The following BCL2L11 variants were observed in gnomAD, a reference collection of about 807,000 sequenced individuals.
The protein encoded by BCL2L11 is bcl-2-like protein 11.
A neutral mutation model predicts 20.6 loss-of-function variants in BCL2L11; 15 were observed. That is an observed-to-expected ratio of 0.73 (90% CI 0.49 to 1.12). BCL2L11 has a LOEUF of 1.12. BCL2L11 is among the 50% of genes most tolerant of loss of function. BCL2L11 has a pLI of 0.00. For missense variants in BCL2L11, 292 were observed against 260.9 expected, an observed-to-expected ratio of 1.12 and a Z score of -0.82; for synonymous variants, 108 against 92.8, an observed-to-expected ratio of 1.16 and a Z score of -0.94.
Position 111,123,169 on chromosome 2 carries a change from C to T in BCL2L11, c.-13-564C>T, listed in dbSNP as rs533180570. ...AGGGAGGGAGCACGGGCGGAGAGAG[C>T]GCCAGAGCCGGGCCGAGCCGCGCTG... On this transcript the variant is annotated intron_variant, in intron 1 of 3. Coordinates refer to ENST00000393256, the MANE Select transcript of BCL2L11 (RefSeq NM_138621.5). 4.1e-6 allele frequency: 4 copies of T among 985,462 alleles called. No individual in the cohort carries two copies. The South Asian group carries it at 1.4e-4, about 35-fold the overall frequency. The allele number at this position is 985,462 out of a possible 1,614,324, so 61.0% of individuals were successfully genotyped here. A position where few individuals can be genotyped will look rare whatever the true frequency, so the allele number is the denominator to read the frequency against.
At chr2:111,151,794 T>G (rs1559074136) in intron 3 of BCL2L11, 2 of 1,509,466 alleles carry the variant, frequency 1.3e-6, no homozygotes, top group South Asian at 1.2e-5. Context: ...TTGATGGACT[T>G]AAGAATTTCT....
chr2:111,157,128 A>C (rs1481498795), intron 3 of BCL2L11, among the ~76,000 whole-genome samples: 5 of 152,194 alleles, frequency 3.3e-5, no homozygotes, highest in Admixed American at 6.5e-5. Flanking sequence ...GTGAGTGCTC[A>C]TCTGTTTGGC....
intron 2 of BCL2L11, among the ~76,000 whole-genome samples, chr2:111,141,370 T>C (rs2075775772): frequency 6.6e-6 from 1 of 151,654 alleles, no homozygotes; most frequent in Non-Finnish European, 1.5e-5. Context: ...TGTAGGGACA[T>C]GGATGAAATT....
chr2:111,121,030 C>A lies in BCL2L11; in HGVS notation c.-172C>A. The A allele has an allele frequency of 2.5e-6, 1 of 397,220 alleles. No individual in the cohort carries two copies. The allele number at this position is 397,220 out of a possible 1,614,324, so 24.6% of individuals were successfully genotyped here. A position where few individuals can be genotyped will look rare whatever the true frequency, so the allele number is the denominator to read the frequency against. ...CCGCCGCCGCCGCCGCCACTACCAC[C>A]ACTTGATTCTTGCAGCCACCCTGCG... On this transcript the variant is annotated 5_prime_UTR_variant, in exon 1 of 4. Transcript: ENST00000393256.
At chr2:111,134,737 G>T (rs528400866) in intron 2 of BCL2L11, among the ~76,000 whole-genome samples, 1 of 152,278 alleles carries the variant, frequency 6.6e-6, no homozygotes, top group South Asian at 2.1e-4. Flanking sequence ...CTCCTTCTGG[G>T]AATGTCTTTA....
At position 111,120,958 on chromosome 2, in the gene BCL2L11, T is replaced by C; in HGVS notation, c.-244T>C. The C allele has an allele frequency of 2.7e-6, 1 of 371,074 alleles. No individual in the cohort carries two copies. Among genetic ancestry groups the C allele is most frequent in the Non-Finnish European group, 4.7e-6 (1 of 211,830 alleles). 23.0% of individuals were successfully genotyped at this position (371,074 alleles called of 1,614,324 possible). ...CCTGGTCTGCAGTTTGTTGGAGCTC[T>C]GCGTCCAGCGCCGCTGCCGCTGCCG... On this transcript the variant is annotated 5_prime_UTR_variant, in exon 1 of 4. Transcript: ENST00000393256.
chr2:111,130,507 A>C (rs1237922193), intron 2 of BCL2L11, among the ~76,000 whole-genome samples: 2 of 152,204 alleles, frequency 1.3e-5, no homozygotes, highest in African/African-American at 4.8e-5. Context: ...TAATTCTAAG[A>C]GTTTTTCATA....
rs1574856811 is a variant in BCL2L11, at chr2:111,122,893, G to A, written c.-13-840G>A. ...CGCCGCGGGGCTTGGTCCCTGGCCC[G>A]GACGCTGCGCTCTGAAGGGAAGGCG... On this transcript the variant is annotated intron_variant, in intron 1 of 3. Coordinates refer to ENST00000393256, the MANE Select transcript of BCL2L11 (RefSeq NM_138621.5). The A allele has an allele frequency of 8.1e-6, 8 of 985,450 alleles. No homozygotes were observed. The African/African-American group carries it at 1.2e-4, about 15-fold the overall frequency. 61.0% of individuals were successfully genotyped at this position (985,450 alleles called of 1,614,324 possible).
At chr2:111,134,631 A>G (rs1211274877) in intron 2 of BCL2L11, among the ~76,000 whole-genome samples, 1 of 152,128 alleles carries the variant, frequency 6.6e-6, no homozygotes, top group Non-Finnish European at 1.5e-5. Context: ...TTCCTTTCTG[A>G]AGTTCTAAGC....
At chr2:111,126,449 C>T (rs1051262383) in intron 2 of BCL2L11, among the ~76,000 whole-genome samples, 1 of 151,958 alleles carries the variant, frequency 6.6e-6, no homozygotes, top group African/African-American at 2.4e-5. Flanking sequence ...TGAGAAGTTA[C>T]GAGGAGTTTG....
At chr2:111,160,890 A>G (rs1377018484) in intron 3 of BCL2L11, among the ~76,000 whole-genome samples, 2 of 152,260 alleles carry the variant, frequency 1.3e-5, no homozygotes, top group African/African-American at 2.4e-5. Flanking sequence ...AGCATCAGTG[A>G]AAGTGTGTAT....
rs1274258871 is a variant in BCL2L11, at chr2:111,164,180, T to A, written c.546T>A (p.Val182=). 1 of 1,613,648 alleles carries A rather than the reference T, an allele frequency of 6.2e-7. No individual in the cohort carries two copies. The highest frequency in any genetic ancestry group is 1.1e-5 in the South Asian group (1 of 91,076). ...YQAAEDHPRM[V]ILRLLRYIVR... is the part of the protein sequence containing the mutation. ...CAGCCGAAGACCACCCACGAATGGT[T>A]ATCTTACGACTGTTACGTTACATTG... The change falls in exon 4 of 4, where the codon GTT becomes GTA. Residue 182 remains valine, a synonymous_variant. Coordinates refer to ENST00000393256, the MANE Select transcript of BCL2L11 (RefSeq NM_138621.5).
rs1422432256 is a variant in BCL2L11 at position 111,122,813 on chromosome 2, C to T, written c.-13-920C>T. 21 of 985,302 alleles carry T rather than the reference C, an allele frequency of 2.1e-5. No individual in the cohort carries two copies. In the African/African-American group the frequency reaches 3.7e-4, roughly 17 times the overall value. The allele number at this position is 985,302 out of a possible 1,614,324, so 61.0% of individuals were successfully genotyped here. Reference sequence around the variant, plus strand: ...CGAGTCCCGGGCTTTGTCTCCTGCGCTGCTTTCGTGGTGACGGTCAGGGGG... The same window carrying T: ...CGAGTCCCGGGCTTTGTCTCCTGCGTTGCTTTCGTGGTGACGGTCAGGGGG... On this transcript the variant is annotated intron_variant, in intron 1 of 3. Coordinates refer to ENST00000393256, the MANE Select transcript of BCL2L11 (RefSeq NM_138621.5).
chr2:111,149,610 A>G (rs116231669), intron 2 of BCL2L11, among the ~76,000 whole-genome samples: 2,453 of 152,274 alleles, frequency 0.016, 63 homozygotes, highest in African/African-American at 0.055. Context: ...TTTTTGGATG[A>G]TGTTTGAAAG....
intron 2 of BCL2L11, among the ~76,000 whole-genome samples, chr2:111,137,603 A>G (rs1466166753): frequency 1.3e-5 from 2 of 150,252 alleles, no homozygotes; most frequent in African/African-American, 2.5e-5. Flanking sequence ...CACTGCAGGC[A>G]TAGAGCAGAA....
At chr2:111,150,705 T>G (rs960990099) in intron 3 of BCL2L11, among the ~76,000 whole-genome samples, 2 of 152,214 alleles carry the variant, frequency 1.3e-5, no homozygotes, top group East Asian at 1.9e-4. Context: ...AGCCTGTAAT[T>G]TGGGCTGTAA....
intron 3 of BCL2L11, chr2:111,163,184 G>C (rs556671781): frequency 2.0e-5 from 3 of 152,448 alleles, no homozygotes; most frequent in Non-Finnish European, 4.4e-5. Context: ...TGGTTCCCGC[G>C]ACGGTGTGTT....
At chr2:111,122,667 G>T in intron 1 of BCL2L11, 2 of 983,958 alleles carry the variant, frequency 2.0e-6, no homozygotes, top group Non-Finnish European at 2.4e-6. Context: ...GTTCCCGGCG[G>T]CTGCGGCCGG....
At chr2:111,141,193 A>G (rs2075742472) in intron 2 of BCL2L11, among the ~76,000 whole-genome samples, 1 of 152,186 alleles carries the variant, frequency 6.6e-6, no homozygotes, top group Admixed American at 6.5e-5. Context: ...ACTGGCCTAC[A>G]TTGAGTTAGA....
Sources: gnomAD v4.1 joint callset for allele counts (sites outside exome capture counted in the v4.1 genomes callset) on GRCh38, gnomAD v4.1.1 for gene constraint, MANE v1.5 for transcripts, NCBI Gene and HGNC (gene_info 2026-07-23, HGNC 2026-07-21) for gene names.